The following R3HCC1L variants were observed in gnomAD, a reference collection of about 807,000 sequenced individuals.
The protein encoded by R3HCC1L is coiled-coil domain-containing protein R3HCC1L.
R3HCC1L carries 51 observed loss-of-function variants against 59.9 expected under a neutral mutation model. The ratio of observed to expected loss-of-function variants is 0.85; its 90% CI spans 0.68 to 1.07. The LOEUF (loss-of-function observed/expected upper bound fraction) is 1.07. R3HCC1L is among the 50% of genes least tolerant of loss of function. R3HCC1L has a pLI of 0.00. For missense variants in R3HCC1L, 965 were observed against 933.0 expected (o/e 1.03, Z -0.45); for synonymous variants, 322 against 315.2 (o/e 1.02, Z -0.23).
At chr10:98,213,786 T>C (rs1853860288) in intron 5 of R3HCC1L, among the ~76,000 whole-genome samples, 1 of 152,140 alleles carries the variant, frequency 6.6e-6, no homozygotes, top group African/African-American at 2.4e-5. Context: ...TTTCACAATA[T>C]CTTTTAAAAG....
At chr10:98,222,591 G>C (rs998574551) in intron 5 of R3HCC1L, among the ~76,000 whole-genome samples, 10 of 152,012 alleles carry the variant, frequency 6.6e-5, no homozygotes, top group Admixed American at 1.3e-4. Flanking sequence ...TAGCATGAAG[G>C]GTTGTTGAAT....
intron 5 of R3HCC1L, chr10:98,230,908 C>T (rs1856303772): frequency 5.6e-6 from 1 of 179,976 alleles, no homozygotes; most frequent in South Asian, 1.0e-4. Flanking sequence ...CTTCACTAGC[C>T]TGCTATATGC....
chr10:98,187,876 A>G (rs1385794402), intron 4 of R3HCC1L, among the ~76,000 whole-genome samples: 1 of 151,806 alleles, frequency 6.6e-6, no homozygotes, highest in Admixed American at 6.6e-5. Flanking sequence ...AGGTAGGGCT[A>G]CAGATGTGCA....
At chr10:98,176,640 C>T (rs1344550288) in intron 4 of R3HCC1L, among the ~76,000 whole-genome samples, 1 of 152,090 alleles carries the variant, frequency 6.6e-6, no homozygotes, top group Admixed American at 6.6e-5. Flanking sequence ...AAGATTATGT[C>T]ATCTGCAGAT....
chr10:98,213,171 C>T (rs1853781531), intron 5 of R3HCC1L, among the ~76,000 whole-genome samples: 1 of 152,084 alleles, frequency 6.6e-6, no homozygotes, highest in African/African-American at 2.4e-5. Context: ...GAGAGGAAAG[C>T]CCTTCATATC....
At chr10:98,234,335 C>T (rs1856686348) in intron 6 of R3HCC1L, 111 bp from the exon 7 acceptor site, 1 of 915,198 alleles carries the variant, frequency 1.1e-6, no homozygotes, top group Non-Finnish European at 1.7e-6. Context: ...TCCACCTGTG[C>T]ACTCGTTGAG....
At chr10:98,170,977 C>A (rs1848456940) in intron 4 of R3HCC1L, among the ~76,000 whole-genome samples, 1 of 152,172 alleles carries the variant, frequency 6.6e-6, no homozygotes. Context: ...TTCAGATGAC[C>A]TATGGGCAAC....
rs547178188 is a variant in R3HCC1L at position 98,240,682 on chromosome 10, C to T, written c.2270-3409C>T. On this transcript the variant is annotated intron_variant, in intron 9 of 9. Transcript: ENST00000298999. ...ATACCTTCTGAAAACCTTCTTTAGA[C>T]TTTCCATTATTCTGCCTTAAAGGGC... 2.6e-5 allele frequency among the ~76,000 whole-genome samples: 4 copies of T among 152,280 alleles called. No homozygotes were observed. In the East Asian group the frequency reaches 5.8e-4, roughly 22 times the overall value.
chr10:98,143,905 T>C (rs899503357), intron 1 of R3HCC1L, among the ~76,000 whole-genome samples: 1 of 152,196 alleles, frequency 6.6e-6, no homozygotes, highest in East Asian at 1.9e-4. Flanking sequence ...ACTGTTAACA[T>C]TGGGGTTTAT....
chr10:98,154,945 A>G (rs976381404), intron 1 of R3HCC1L, among the ~76,000 whole-genome samples: 4 of 152,188 alleles, frequency 2.6e-5, no homozygotes, highest in African/African-American at 9.7e-5. Context: ...ATACGTATGT[A>G]TGTGTTTATG....
At chr10:98,237,846 C>A (rs1857130237) in intron 9 of R3HCC1L, among the ~76,000 whole-genome samples, 1 of 152,028 alleles carries the variant, frequency 6.6e-6, no homozygotes, top group Admixed American at 6.5e-5. Flanking sequence ...TGCATGGAGC[C>A]CAGGCTTTAA....
chr10:98,235,762 A>T (rs1246698526), intron 8 of R3HCC1L, among the ~76,000 whole-genome samples: 1 of 152,204 alleles, frequency 6.6e-6, no homozygotes, highest in African/African-American at 2.4e-5. Flanking sequence ...TTCTGATGAC[A>T]TCCCTACCTA....
At chr10:98,242,584 A>G (rs751479053) in intron 9 of R3HCC1L, among the ~76,000 whole-genome samples, 10 of 152,146 alleles carry the variant, frequency 6.6e-5, no homozygotes, top group African/African-American at 9.7e-5. Context: ...TGTTTTCAGA[A>G]TTGTTTTGAT....
At chr10:98,181,614 C>T (rs950585970) in intron 4 of R3HCC1L, among the ~76,000 whole-genome samples, 2 of 152,154 alleles carry the variant, frequency 1.3e-5, no homozygotes, top group South Asian at 2.1e-4. Flanking sequence ...AAGAGTGCTT[C>T]CAGCTTGGTT....
intron 4 of R3HCC1L, among the ~76,000 whole-genome samples, chr10:98,197,012 G>A (rs1590664231): frequency 6.6e-6 from 1 of 152,114 alleles, no homozygotes; most frequent in East Asian, 1.9e-4. Context: ...CACCTCCCAG[G>A]TTCAAGTGAT....
At chr10:98,224,078 C>A (rs192544074) in intron 5 of R3HCC1L, among the ~76,000 whole-genome samples, 84 of 152,116 alleles carry the variant, frequency 5.5e-4, no homozygotes, top group Non-Finnish European at 9.1e-4. Flanking sequence ...CAGGCTAATC[C>A]CTAGCCCTCA....
intron 4 of R3HCC1L, among the ~76,000 whole-genome samples, chr10:98,165,769 C>G (rs1004082734): frequency 6.6e-6 from 1 of 152,206 alleles, no homozygotes; most frequent in African/African-American, 2.4e-5. Context: ...CCCCTAAACT[C>G]ATATGTTGAA....
intron 4 of R3HCC1L, among the ~76,000 whole-genome samples, chr10:98,192,316 A>G (rs1850951570): frequency 6.6e-6 from 1 of 152,166 alleles, no homozygotes; most frequent in Admixed American, 6.5e-5. Context: ...TAAACAAAAT[A>G]GAAAATAGGA....
At chr10:98,237,180 A>G (rs1340647004) in intron 9 of R3HCC1L, among the ~76,000 whole-genome samples, 2 of 152,198 alleles carry the variant, frequency 1.3e-5, no homozygotes, top group African/African-American at 4.8e-5. Context: ...AATGATTATA[A>G]TGAGGCAGTT....
Sources: allele counts gnomAD v4.1 joint callset (sites outside exome capture counted in the v4.1 genomes callset), GRCh38; gene constraint gnomAD v4.1.1; transcripts MANE v1.5; gene names NCBI Gene and HGNC (gene_info 2026-07-23, HGNC 2026-07-21).